DNAH14: variants seen among roughly 807,000 people sequenced by gnomAD.
The protein encoded by DNAH14 is axonemal beta dynein heavy chain 14.
Under a neutral mutation model 520.9 loss-of-function variants are expected in DNAH14, and 478 were observed. That is an observed-to-expected ratio of 0.92 (90% CI 0.85 to 0.99). The LOEUF (loss-of-function observed/expected upper bound fraction) is 0.99, where lower values mean the gene tolerates loss of function less well. Among genes scored for constraint, DNAH14 ranks in the 50% least tolerant of loss-of-function variants. The pLI is 0.00. For synonymous variants in DNAH14, 1,581 were observed against 1,757.2 expected (o/e 0.90, Z 2.51); for missense variants, 4,831 against 5,234.5 (o/e 0.92, Z 2.38).
intron 84 of DNAH14, among the ~76,000 whole-genome samples, chr1:225,393,738 TC>T (rs1251365822): frequency 6.6e-6 from 1 of 152,160 alleles, no homozygotes; most frequent in African/African-American, 2.4e-5. Flanking sequence ...TTGCTCCACA[TC>T]CCTGCCAACA....
Position 225,307,543 on chromosome 1 carries a change from G to A in DNAH14, c.9088G>A (p.Gly3030Ser). Residue 3030 changes from glycine (G) to serine (S), a missense_variant, in exon 59 of 86, where the codon GGC becomes AGC. Transcript: ENST00000682510. Reference sequence around the variant, plus strand: ...AATGCAAGAAGAGCTCTTGATTCTTGGCCCTCAAGTAGAACAAAAAACAAA... The same window carrying A: ...AATGCAAGAAGAGCTCTTGATTCTTAGCCCTCAAGTAGAACAAAAAACAAA... ...TEMQEELLIL[G>S]PQVEQKTKET... 6.5e-7 allele frequency: 1 copy of A among 1,545,796 alleles called. No individual in the cohort carries two copies. Among genetic ancestry groups the A allele is most frequent in the South Asian group, 1.2e-5 (1 of 83,152 alleles).
intron 74 of DNAH14, among the ~76,000 whole-genome samples, chr1:225,359,902 A>G (rs1005690691): frequency 6.6e-6 from 1 of 152,230 alleles, no homozygotes; most frequent in African/African-American, 2.4e-5. Flanking sequence ...TTTGTTACAT[A>G]GGGTAAACAT....
intron 60 of DNAH14, among the ~76,000 whole-genome samples, chr1:225,309,929 T>C (rs1218639719): frequency 6.6e-6 from 1 of 151,976 alleles, no homozygotes. Flanking sequence ...TAATGCTAAA[T>C]GGCGAGTTAA....
At chr1:225,043,398 T>C (rs918229848) in intron 13 of DNAH14, among the ~76,000 whole-genome samples, 3 of 152,140 alleles carry the variant, frequency 2.0e-5, no homozygotes, top group African/African-American at 4.8e-5. Flanking sequence ...TTTATAAATC[T>C]TAAGGTAAAT....
intron 1 of DNAH14, among the ~76,000 whole-genome samples, chr1:224,941,079 C>T (rs1455871277): frequency 6.6e-6 from 1 of 152,164 alleles, no homozygotes; most frequent in Non-Finnish European, 1.5e-5. Flanking sequence ...TTCTAGATCC[C>T]TGAGGAATCA....
At chr1:224,968,681 A>G (rs2061335855) in intron 6 of DNAH14, 78 bp from the exon 7 acceptor site, 3 of 922,124 alleles carry the variant, frequency 3.3e-6, no homozygotes, top group African/African-American at 1.8e-5. Flanking sequence ...TCAGCCAAAT[A>G]CAGGCTTTCT....
chr1:225,181,819 T>C (rs887146533), intron 36 of DNAH14, among the ~76,000 whole-genome samples: 3 of 152,220 alleles, frequency 2.0e-5, no homozygotes, highest in Non-Finnish European at 4.4e-5. Context: ...CAGATGGTTG[T>C]AGGTATGTGG....
At chr1:225,209,207 G>A (rs1574000149) in intron 41 of DNAH14, among the ~76,000 whole-genome samples, 1 of 152,128 alleles carries the variant, frequency 6.6e-6, no homozygotes. Context: ...AGAGACTGAG[G>A]TATACAGTAG....
chr1:224,989,467 A>G (rs10915756), intron 8 of DNAH14, among the ~76,000 whole-genome samples: 1 of 151,954 alleles, frequency 6.6e-6, no homozygotes, highest in African/African-American at 2.4e-5. Context: ...GGAGTTTTTT[A>G]ATATATTTTT....
chr1:224,941,154 A>G (rs149871738), intron 1 of DNAH14, among the ~76,000 whole-genome samples: 6,337 of 152,128 alleles, frequency 0.042, 215 homozygotes, highest in Non-Finnish European at 0.061. Flanking sequence ...AAATGTTTCT[A>G]TTTCTCCACA....
chr1:225,269,878 C>T (rs572446064), intron 49 of DNAH14, among the ~76,000 whole-genome samples: 7 of 152,176 alleles, frequency 4.6e-5, no homozygotes, highest in Admixed American at 1.3e-4. Flanking sequence ...GTTGGTGGGA[C>T]GTAAACTAGT....
At chr1:224,985,033 C>T (rs191217214) in intron 8 of DNAH14, among the ~76,000 whole-genome samples, 11 of 152,156 alleles carry the variant, frequency 7.2e-5, no homozygotes, top group Admixed American at 2.0e-4. Context: ...TAAACTAGTA[C>T]GGCTGCTATG....
chr1:224,964,436 C>T (rs2061030476), intron 4 of DNAH14, 43 bp from the exon 5 acceptor site: 2 of 1,553,960 alleles, frequency 1.3e-6, no homozygotes, highest in Non-Finnish European at 1.7e-6. Context: ...AAGTGATGCC[C>T]ACATTTGCAC....
chr1:224,991,637 G>A (rs1204258590), intron 8 of DNAH14, among the ~76,000 whole-genome samples: 9 of 152,072 alleles, frequency 5.9e-5, no homozygotes. Flanking sequence ...GACAACACCT[G>A]CCTAATTTTT....
At chr1:225,177,623 G>A (rs903552128) in intron 36 of DNAH14, among the ~76,000 whole-genome samples, 3 of 152,024 alleles carry the variant, frequency 2.0e-5, no homozygotes, top group South Asian at 2.1e-4. Context: ...GTAGAGCTCC[G>A]GCCATGGCTT....
chr1:224,942,503 T>G (rs1463189089), intron 1 of DNAH14, among the ~76,000 whole-genome samples: 1 of 152,202 alleles, frequency 6.6e-6, no homozygotes, highest in African/African-American at 2.4e-5. Flanking sequence ...TATTTCCTTC[T>G]TCTGCCTGAT....
chr1:225,061,356 A>G (rs894357075), intron 17 of DNAH14, among the ~76,000 whole-genome samples: 5 of 152,202 alleles, frequency 3.3e-5, no homozygotes, highest in East Asian at 3.9e-4. Context: ...TGCTAAGTCC[A>G]TTGGAAAAGC....
chr1:225,035,291 G>A (rs1166487659), intron 11 of DNAH14, among the ~76,000 whole-genome samples: 1 of 64,204 alleles, frequency 1.6e-5, no homozygotes, highest in African/African-American at 3.0e-5. Context: ...TATTTATTTG[G>A]GTGTTTGCTC....
rs569414410 is a variant in DNAH14, at chr1:225,002,591, C to T, written c.831-192C>T. Among the ~76,000 whole-genome samples, 23 of 152,156 alleles carry T rather than the reference C, an allele frequency of 1.5e-4. No individual in the cohort carries two copies. The East Asian group carries it at 4.1e-3, about 27-fold the overall frequency. The stretch of plus-strand genomic sequence containing the variant: ...TTTGTTCTTATTCAACACACCTAGT[C>T]CCCAAAACCTTGCCTACAACATTAT... On this transcript the variant is annotated intron_variant, in intron 8 of 85. Coordinates refer to ENST00000682510, the MANE Select transcript of DNAH14 (RefSeq NM_001367479.1).
Sources: allele counts gnomAD v4.1 joint callset (sites outside exome capture counted in the v4.1 genomes callset), GRCh38; gene constraint gnomAD v4.1.1; transcripts MANE v1.5; gene names NCBI Gene and HGNC (gene_info 2026-07-23, HGNC 2026-07-21).